The following NCALD variants were observed in gnomAD, a reference collection of about 807,000 sequenced individuals.
NCALD encodes neurocalcin delta.
NCALD carries 10 observed loss-of-function variants against 18.6 expected under a neutral mutation model. The observed-to-expected ratio is 0.54, with a 90% CI of 0.33 to 0.91. NCALD has a LOEUF of 0.91. Among genes scored for constraint, NCALD ranks in the 40% least tolerant of loss-of-function variants. The pLI, the probability that NCALD is intolerant of heterozygous loss-of-function variation, is 0.03. For missense variants in NCALD, 184 were observed against 247.6 expected (o/e 0.74, Z 1.72); for synonymous variants, 88 against 87.4 (o/e 1.01, Z -0.04).
intron 4 of NCALD, among the ~76,000 whole-genome samples, chr8:101,834,658 G>A (rs1321057755): frequency 6.6e-6 from 1 of 152,208 alleles, no homozygotes; most frequent in Non-Finnish European, 1.5e-5. Context: ...TTTTCCCCAG[G>A]AAATAACCTG....
chr8:101,813,223 C>T (rs1813372107), intron 4 of NCALD, among the ~76,000 whole-genome samples: 1 of 151,978 alleles, frequency 6.6e-6, no homozygotes, highest in African/African-American at 2.4e-5. Context: ...CAGAAGGGCT[C>T]CCTAAGGATA....
chr8:102,115,172 C>T (rs1825747990), intron 1 of NCALD, among the ~76,000 whole-genome samples: 1 of 152,224 alleles, frequency 6.6e-6, no homozygotes, highest in African/African-American at 2.4e-5. Flanking sequence ...ACCTTTTCTT[C>T]AGGTAGTGAG....
At chr8:101,791,896 CAT>C (rs951705306), upstream of NCALD, among the ~76,000 whole-genome samples, 1 of 152,176 alleles carries the variant, frequency 6.6e-6, no homozygotes, top group Non-Finnish European at 1.5e-5. Flanking sequence ...GGTTATCTCA[CAT>C]GTTTTCTAAC....
At chr8:102,012,301 C>T (rs189902680) in intron 2 of NCALD, among the ~76,000 whole-genome samples, 200 of 152,280 alleles carry the variant, frequency 1.3e-3, no homozygotes, top group African/African-American at 4.3e-3. Context: ...GGACAGCACA[C>T]GATGTCATTT....
At chr8:101,928,313 A>G (rs1818412969) in intron 2 of NCALD, among the ~76,000 whole-genome samples, 1 of 152,198 alleles carries the variant, frequency 6.6e-6, no homozygotes, top group Non-Finnish European at 1.5e-5. Flanking sequence ...ATTATGCTGT[A>G]CTTTCCCCTA....
chr8:102,122,987 G>T (rs760385710), intron 1 of NCALD, among the ~76,000 whole-genome samples: 1 of 152,132 alleles, frequency 6.6e-6, no homozygotes, highest in Non-Finnish European at 1.5e-5. Flanking sequence ...CCCCGCTACC[G>T]CAAGTACCCA....
intron 4 of NCALD, among the ~76,000 whole-genome samples, chr8:101,848,776 G>A (rs1814974601): frequency 6.6e-6 from 1 of 152,110 alleles, no homozygotes; most frequent in African/African-American, 2.4e-5. Context: ...CCTGGAATAT[G>A]TTGTTCTACA....
At chr8:101,910,504 G>A (rs1010354346) in intron 3 of NCALD, among the ~76,000 whole-genome samples, 30 of 152,112 alleles carry the variant, frequency 2.0e-4, no homozygotes, top group Non-Finnish European at 4.0e-4. Context: ...CCACAGCCAC[G>A]TGCTACCTAG....
At chr8:101,954,647 A>G (rs1246444276) in intron 2 of NCALD, among the ~76,000 whole-genome samples, 1 of 152,214 alleles carries the variant, frequency 6.6e-6, no homozygotes, top group East Asian at 1.9e-4. Context: ...AGAAGAGAGG[A>G]TTGAGGCCAG....
intron 1 of NCALD, among the ~76,000 whole-genome samples, chr8:102,037,885 G>A: frequency 6.6e-6 from 1 of 152,110 alleles, no homozygotes; most frequent in Middle Eastern, 3.2e-3. Context: ...TCCTGGATCT[G>A]AACTGATAGC....
At chr8:101,761,676 A>G (rs1586429964) in intron 1 of NCALD, among the ~76,000 whole-genome samples, 1 of 152,108 alleles carries the variant, frequency 6.6e-6, no homozygotes, top group East Asian at 1.9e-4. Context: ...CTAATCAGGG[A>G]CTTATTTGTT....
In NCALD at chr8:101,687,794, T is replaced by A. The variant is rs1379093955; in HGVS notation, c.*1515A>T. 1 of 152,168 alleles carries A rather than the reference T, an allele frequency of 6.6e-6. No individual in the cohort carries two copies. The highest frequency in any genetic ancestry group is 2.1e-4 in the South Asian group (1 of 4,822). The allele number at this position is 152,168 out of a possible 1,614,324, so 9.4% of individuals were successfully genotyped here. A position where few individuals can be genotyped will look rare whatever the true frequency, so the allele number is the denominator to read the frequency against. ...GTATGACTCGCCTGTAACCAGCAAATTTTTACTCTTAGCTTTCAATTCAAA... is the reference window on the plus strand; with the variant it reads ...GTATGACTCGCCTGTAACCAGCAAAATTTTACTCTTAGCTTTCAATTCAAA... On this transcript the variant is annotated 3_prime_UTR_variant, in exon 4 of 4. Coordinates refer to ENST00000220931, the MANE Select transcript of NCALD (RefSeq NM_032041.3).
intron 1 of NCALD, among the ~76,000 whole-genome samples, chr8:102,123,460 G>GA (rs5893600): frequency 0.51 from 71,888 of 140,020 alleles, 18,375 homozygotes; most frequent in East Asian, 0.59. Flanking sequence ...TGCAGCATTA[G>GA]AAAAAAAAAA....
At chr8:101,708,521 G>A (rs1815634789) in intron 2 of NCALD, among the ~76,000 whole-genome samples, 1 of 152,206 alleles carries the variant, frequency 6.6e-6, no homozygotes, top group South Asian at 2.1e-4. Context: ...TCTGGAAATT[G>A]TGGCAATAAT....
At chr8:101,744,059 C>T (rs996086913) in intron 1 of NCALD, among the ~76,000 whole-genome samples, 1 of 152,188 alleles carries the variant, frequency 6.6e-6, no homozygotes, top group African/African-American at 2.4e-5. Context: ...GTTGGTGGAA[C>T]GAACCAAAGA....
rs186992049 is a variant in NCALD at position 101,938,296 on chromosome 8, T to C, written c.-156-22438A>G. On this transcript the variant is annotated intron_variant, in intron 2 of 6. Coordinates refer to the NCALD transcript ENST00000311028. ...ATATTTAAAAACTCATTTTATGTGC[T>C]ATATTGCATTTAACCTTTATAATAC... Among the ~76,000 whole-genome samples the C allele has an allele frequency of 1.5e-3, 235 of 152,368 alleles. 2 individuals are homozygous for C. Among genetic ancestry groups the C allele is most frequent in the South Asian group, 9.5e-3 (46 of 4,822 alleles).
chr8:101,969,415 T>C (rs2131887603), intron 2 of NCALD, among the ~76,000 whole-genome samples: 1 of 152,346 alleles, frequency 6.6e-6, no homozygotes, highest in South Asian at 2.1e-4. Flanking sequence ...CCACACTTCG[T>C]AATGATGATA....
intron 2 of NCALD, among the ~76,000 whole-genome samples, chr8:101,971,481 T>C (rs1163671836): frequency 6.6e-6 from 1 of 152,078 alleles, no homozygotes; most frequent in Non-Finnish European, 1.5e-5. Flanking sequence ...CTGATGGTTT[T>C]ATAAGGGGCT....
intron 2 of NCALD, among the ~76,000 whole-genome samples, chr8:101,989,596 G>A (rs1490256326): frequency 1.3e-5 from 2 of 152,186 alleles, no homozygotes; most frequent in African/African-American, 4.8e-5. Context: ...TCTAATCCTG[G>A]AGCTGTCCAT....
Sources: allele counts gnomAD v4.1 joint callset (sites outside exome capture counted in the v4.1 genomes callset), GRCh38; gene constraint gnomAD v4.1.1; transcripts MANE v1.5; gene names NCBI Gene and HGNC (gene_info 2026-07-23, HGNC 2026-07-21).